SAG: variants seen among roughly 807,000 people sequenced by gnomAD.
SAG encodes S-arrestin.
Under a neutral mutation model 55.0 loss-of-function variants are expected in SAG, and 45 were observed. That is an observed-to-expected ratio of 0.82 (90% CI 0.64 to 1.05). The LOEUF is 1.05. Ranked by LOEUF, SAG falls within the 50% of genes least tolerant of loss-of-function variation. The pLI is 0.00. For missense variants in SAG, 455 were observed against 512.1 expected, an observed-to-expected ratio of 0.89 and a Z score of 1.08; for synonymous variants, 189 against 197.4, an observed-to-expected ratio of 0.96 and a Z score of 0.36.
Position 233,315,281 on chromosome 2 carries a change from C to CTTTT in SAG, c.76-768_76-765dup, listed in dbSNP as rs5839476. On this transcript the variant is annotated intron_variant, in intron 2 of 15. Coordinates refer to ENST00000409110, the MANE Select transcript of SAG (RefSeq NM_000541.5). ...CACCTCTTTGCGTTGTCCAGAAGTTCTTTTTTTTTTTTTTTTTTTTTTTTT... is the reference window on the plus strand; with the variant it reads ...CACCTCTTTGCGTTGTCCAGAAGTTCTTTTTTTTTTTTTTTTTTTTTTTTTTTTT... Among the ~76,000 whole-genome samples, 27 of 69,396 alleles carry CTTTT rather than the reference C, an allele frequency of 3.9e-4. 1 individual carries two copies. The highest frequency in any genetic ancestry group is 6.9e-4 in the African/African-American group (15 of 21,770). 45.5% of individuals were successfully genotyped at this position (69,396 alleles called of 152,430 possible). A position where few individuals can be genotyped will look rare whatever the true frequency, so the allele number is the denominator to read the frequency against.
Position 233,328,455 on chromosome 2 carries a change from T to C in SAG, c.513-23T>C, listed in dbSNP as rs376088687. 1.1e-5 allele frequency: 17 copies of C among 1,606,822 alleles called. No individual in the cohort carries two copies. The African/African-American group carries it at 1.6e-4, about 15-fold the overall frequency. On this transcript the variant is annotated intron_variant, in intron 7 of 15. Transcript: ENST00000409110. The stretch of plus-strand genomic sequence containing the variant: ...AGCGGCCTGGGTGCCAATCCCTGGC[T>C]TGTCTGTGGCTGTTTCCCACAGGAG...
intron 11 of SAG, among the ~76,000 whole-genome samples, chr2:233,335,566 C>T (rs1700898343): frequency 7.1e-6 from 1 of 141,796 alleles, no homozygotes; most frequent in Non-Finnish European, 1.6e-5. Flanking sequence ...GAGTAATGCT[C>T]TTGGCTGTGT....
chr2:233,309,099 G>C, intron 1 of SAG, 63 bp from the exon 2 acceptor site: 1 of 963,468 alleles, frequency 1.0e-6, no homozygotes. Flanking sequence ...GGATGTTCTT[G>C]ACTTGATATT....
At chr2:233,335,951 G>A (rs536169153) in intron 11 of SAG, among the ~76,000 whole-genome samples, 3 of 152,210 alleles carry the variant, frequency 2.0e-5, no homozygotes, top group Admixed American at 6.5e-5. Context: ...CCATGACTCC[G>A]ATGCTCAGTA....
intron 13 of SAG, among the ~76,000 whole-genome samples, chr2:233,341,845 A>G (rs1422592838): frequency 6.6e-6 from 1 of 152,174 alleles, no homozygotes; most frequent in Admixed American, 6.6e-5. Context: ...GAAGCTGGGC[A>G]GGGTGGCTCA....
intron 14 of SAG, 52 bp from the exon 15 acceptor site, chr2:233,346,351 C>G: frequency 6.3e-7 from 1 of 1,595,580 alleles, no homozygotes; most frequent in Non-Finnish European, 8.6e-7. Context: ...TTTAGACTAA[C>G]AAATGTCTCT....
intron 11 of SAG, among the ~76,000 whole-genome samples, chr2:233,337,944 G>A (rs1268247992): frequency 6.6e-6 from 1 of 152,254 alleles, no homozygotes; most frequent in African/African-American, 2.4e-5. Flanking sequence ...GTACGTATTA[G>A]TGGGATCTGG....
chr2:233,320,391 C>A (rs2125327815), intron 4 of SAG, among the ~76,000 whole-genome samples: 1 of 152,266 alleles, frequency 6.6e-6, no homozygotes, highest in Non-Finnish European at 1.5e-5. Context: ...ACCATTCTGG[C>A]AACATGATAC....
At chr2:233,315,405 G>C (rs1700190996) in intron 2 of SAG, among the ~76,000 whole-genome samples, 1 of 142,242 alleles carries the variant, frequency 7.0e-6, no homozygotes, top group Non-Finnish European at 1.5e-5. Context: ...CAACTCTCCT[G>C]CCTCAATCTC....
intron 6 of SAG, among the ~76,000 whole-genome samples, chr2:233,323,384 A>G (rs1380536407): frequency 7.1e-6 from 1 of 140,018 alleles, no homozygotes; most frequent in African/African-American, 2.7e-5. Flanking sequence ...TTTTTTTTAG[A>G]TGGAGTTTCA....
Position 233,331,822 on chromosome 2 carries a change from C to T in SAG, c.806+110C>T, listed in dbSNP as rs76786580. On this transcript the variant is annotated intron_variant, in intron 10 of 15. Coordinates refer to ENST00000409110, the MANE Select transcript of SAG (RefSeq NM_000541.5). ...TAGAATGTTCAGCTAGCTCGCCAGC[C>T]TTCCACTTCCTTCCTCTTTCTCCCT... 1.9e-3 allele frequency: 1,472 copies of T among 767,520 alleles called. 12 individuals carry two copies. In the African/African-American group the frequency reaches 0.023, roughly 12 times the overall value. The allele number at this position is 767,520 out of a possible 1,614,324, so 47.5% of individuals were successfully genotyped here. A position where few individuals can be genotyped will look rare whatever the true frequency, so the allele number is the denominator to read the frequency against.
In SAG at chr2:233,334,943, T is replaced by C. The variant is rs1324903387; in HGVS notation, c.807-19T>C. 1 of 1,613,736 alleles carries C rather than the reference T, an allele frequency of 6.2e-7. No individual in the cohort carries two copies. The highest frequency in any genetic ancestry group is 1.3e-5 in the African/African-American group (1 of 75,042). ...GCAGCTTTGATGGTTATAAATCTCC[T>C]CTGTTCTTCTTCCTCTAGAGAAAAA... On this transcript the variant is annotated intron_variant, in intron 10 of 15. Transcript: ENST00000409110.
intron 9 of SAG, among the ~76,000 whole-genome samples, chr2:233,330,650 C>T (rs575983520): frequency 2.0e-5 from 3 of 152,024 alleles, no homozygotes; most frequent in Non-Finnish European, 4.4e-5. Context: ...CCTGCCTCAG[C>T]CTCCCAAGTA....
intron 7 of SAG, 70 bp from the exon 8 acceptor site, chr2:233,328,408 G>T: frequency 6.5e-7 from 1 of 1,545,776 alleles, no homozygotes. Flanking sequence ...TGACAGTGGG[G>T]AGAGAACAGA....
rs545664416 is a variant in SAG at position 233,308,905 on chromosome 2, C to T, written c.-28-257C>T. Among the ~76,000 whole-genome samples, 8 of 152,266 alleles carry T rather than the reference C, an allele frequency of 5.3e-5. No individual in the cohort carries two copies. In the South Asian group the frequency reaches 1.7e-3, roughly 32 times the overall value. ...ACCTCATTGGAATCTAGCTAGACTCCCTGGCAAGGTGTACTGAGAAATGTT... is the reference window on the plus strand; with the variant it reads ...ACCTCATTGGAATCTAGCTAGACTCTCTGGCAAGGTGTACTGAGAAATGTT... On this transcript the variant is annotated intron_variant, in intron 1 of 15. Transcript: ENST00000409110.
intron 2 of SAG, among the ~76,000 whole-genome samples, chr2:233,315,002 A>G (rs1700178822): frequency 6.6e-6 from 1 of 152,178 alleles, no homozygotes; most frequent in South Asian, 2.1e-4. Context: ...GTAGATGCTT[A>G]AAGATGTGCA....
intron 13 of SAG, 78 bp from the exon 14 acceptor site, chr2:233,342,193 C>A: frequency 9.0e-7 from 1 of 1,112,278 alleles, no homozygotes; most frequent in South Asian, 1.3e-5. Context: ...TGTGACTCTC[C>A]GCAGCCATAG....
chr2:233,331,569 G>C (rs1700763113), intron 9 of SAG, 71 bp from the exon 10 acceptor site: 4 of 946,576 alleles, frequency 4.2e-6, no homozygotes, highest in Non-Finnish European at 6.9e-6. Flanking sequence ...GTGTACCCTG[G>C]GAGGCCGCAG....
intron 2 of SAG, among the ~76,000 whole-genome samples, chr2:233,311,694 G>A (rs528318259): frequency 4.6e-5 from 7 of 152,274 alleles, no homozygotes; most frequent in African/African-American, 1.7e-4. Flanking sequence ...TGCAGTGGAA[G>A]GGGTAGTTTG....
Sources: gnomAD v4.1 joint callset for allele counts (sites outside exome capture counted in the v4.1 genomes callset) on GRCh38, gnomAD v4.1.1 for gene constraint, MANE v1.5 for transcripts, NCBI Gene and HGNC (gene_info 2026-07-23, HGNC 2026-07-21) for gene names.